NLRP13: variants seen among roughly 807,000 people sequenced by gnomAD.
NLRP13 encodes the protein NLR family pyrin domain containing 13, also known as NACHT, LRR and PYD domains-containing protein 13.
Under a neutral mutation model 94.4 loss-of-function variants are expected in NLRP13, and 82 were observed. The observed-to-expected ratio is 0.87, with a 90% CI of 0.73 to 1.04. The LOEUF (loss-of-function observed/expected upper bound fraction) is 1.04. Among genes scored for constraint, NLRP13 ranks in the 50% least tolerant of loss-of-function variants. The probability of loss-of-function intolerance (pLI) is 0.00; values close to 1 mark genes in which losing one functional copy is unlikely to be tolerated. For synonymous variants in NLRP13, 553 were observed against 464.7 expected (o/e 1.19, Z -2.45); for missense variants, 1,426 against 1,230.8 (o/e 1.16, Z -2.37).
chr19:55,930,422 A>G (rs1987082605), intron 1 of NLRP13, among the ~76,000 whole-genome samples: 1 of 152,132 alleles, frequency 6.6e-6, no homozygotes, highest in Non-Finnish European at 1.5e-5. Flanking sequence ...ATGGTGGCTC[A>G]CGCCTGTAAT....
chr19:55,925,396 CT>C (rs946103097), intron 1 of NLRP13, among the ~76,000 whole-genome samples: 16 of 152,300 alleles, frequency 1.1e-4, no homozygotes, highest in African/African-American at 3.6e-4. Flanking sequence ...ATACCTTAGC[CT>C]CTCCCCATCT....
chr19:55,913,372 C>T, intron 4 of NLRP13, 79 bp from the exon 5 acceptor site: 2 of 1,440,922 alleles, frequency 1.4e-6, no homozygotes, highest in African/African-American at 1.4e-5. Context: ...AAGTTCCTAC[C>T]CCAAAGACTT....
chr19:55,912,182 G>A lies in NLRP13; in HGVS notation c.1635C>T (p.Ala545=), dbSNP rs373303959. 15 of 1,614,010 alleles carry A rather than the reference G, an allele frequency of 9.3e-6. No individual in the cohort carries two copies. Among genetic ancestry groups the A allele is most frequent in the East Asian group, 2.2e-5 (1 of 44,898 alleles). ...THLSFQEFFA[A]MSFVLEEPRE... Reference sequence around the variant, plus strand: ...TAGGTTCCTCTAGCACAAAGGACATGGCTGCAAAAAACTCCTGGAAACTTA... The same window carrying A: ...TAGGTTCCTCTAGCACAAAGGACATAGCTGCAAAAAACTCCTGGAAACTTA... Residue 545 remains alanine, a synonymous_variant, in exon 5 of 11, where the codon GCC becomes GCT. Coordinates refer to ENST00000342929, the MANE Select transcript of NLRP13 (RefSeq NM_176810.2).
At chr19:55,891,774 T>C (rs1429434043), downstream of NLRP13, 1 of 301,686 alleles carries the variant, frequency 3.3e-6, no homozygotes, top group Non-Finnish European at 6.1e-6. Flanking sequence ...TAGACAAGAC[T>C]GAAGGCACAG....
Position 55,923,896 on chromosome 19 carries a change from A to G in NLRP13, c.523+18T>C, listed in dbSNP as rs201215580. The G allele has an allele frequency of 5.6e-6, 9 of 1,600,638 alleles. No homozygotes were observed. The Admixed American group carries it at 8.3e-5, about 15-fold the overall frequency. On this transcript the variant is annotated intron_variant, in intron 4 of 10. Coordinates refer to ENST00000342929, the MANE Select transcript of NLRP13 (RefSeq NM_176810.2). Reference sequence around the variant, plus strand: ...GTCAAGCAACCTGTCCATTATCAACATAAAGTAGTATACACACCTGCTTCC... The same window carrying G: ...GTCAAGCAACCTGTCCATTATCAACGTAAAGTAGTATACACACCTGCTTCC...
intron 1 of NLRP13, among the ~76,000 whole-genome samples, chr19:55,930,833 T>C (rs73611433): frequency 0.033 from 4,666 of 140,420 alleles, 263 homozygotes; most frequent in African/African-American, 0.14. Context: ...GATTACATGG[T>C]GCACTAAGAC....
chr19:55,905,313 G>A lies in NLRP13; in HGVS notation c.2448-201C>T, dbSNP rs145230551. ...TCCCAGCAGTTTGGGAGGCCAAGGCGGGTGGATCACCTGAGGTCAAGAGTT... is the reference window on the plus strand; with the variant it reads ...TCCCAGCAGTTTGGGAGGCCAAGGCAGGTGGATCACCTGAGGTCAAGAGTT... On this transcript the variant is annotated intron_variant, in intron 7 of 10. Transcript: ENST00000342929. Among the ~76,000 whole-genome samples the A allele has an allele frequency of 9.9e-5, 15 of 151,974 alleles. No individual in the cohort carries two copies. The East Asian group carries it at 2.3e-3, about 23-fold the overall frequency.
At chr19:55,929,032 C>T (rs944243958) in intron 1 of NLRP13, among the ~76,000 whole-genome samples, 5 of 152,180 alleles carry the variant, frequency 3.3e-5, no homozygotes, top group Non-Finnish European at 5.9e-5. Context: ...AAAAAAAGCT[C>T]ATCGTCACTG....
chr19:55,914,542 G>T (rs1466050273), intron 4 of NLRP13, among the ~76,000 whole-genome samples: 1 of 152,174 alleles, frequency 6.6e-6, no homozygotes, highest in East Asian at 1.9e-4. Context: ...ATCAGTATAT[G>T]TAACTATTAC....
chr19:55,902,390 C>T (rs1406659250), intron 8 of NLRP13, among the ~76,000 whole-genome samples, 185 bp from the exon 9 acceptor site: 1 of 152,156 alleles, frequency 6.6e-6, no homozygotes, highest in Non-Finnish European at 1.5e-5. Flanking sequence ...AACCCTCCCT[C>T]GATCCAGATT....
intron 7 of NLRP13, among the ~76,000 whole-genome samples, chr19:55,907,216 C>T (rs1419416369): frequency 1.3e-5 from 2 of 152,048 alleles, no homozygotes; most frequent in Admixed American, 1.3e-4. Flanking sequence ...ACTCCACCAC[C>T]CAAAGTGCCG....
At chr19:55,922,503 T>G (rs1045388760) in intron 4 of NLRP13, among the ~76,000 whole-genome samples, 19 of 152,208 alleles carry the variant, frequency 1.2e-4, no homozygotes, top group Admixed American at 1.1e-3. Flanking sequence ...AATTTTTGTA[T>G]TTTTAGTATA....
chr19:55,910,501 AAG>A, intron 6 of NLRP13, 60 bp downstream of exon 6: 2 of 1,434,750 alleles, frequency 1.4e-6, no homozygotes, highest in Non-Finnish European at 1.9e-6. Context: ...CACTCATCAA[AAG>A]AGAGAAGTTG....
intron 1 of NLRP13, among the ~76,000 whole-genome samples, chr19:55,929,442 G>A (rs964961034): frequency 6.6e-6 from 1 of 152,192 alleles, no homozygotes; most frequent in East Asian, 1.9e-4. Flanking sequence ...ATACTATGCA[G>A]CCGTAAAAAA....
chr19:55,897,389 G>A (rs892052440), intron 10 of NLRP13, among the ~76,000 whole-genome samples: 7 of 152,094 alleles, frequency 4.6e-5, no homozygotes, highest in Non-Finnish European at 8.8e-5. Flanking sequence ...GTGTGGTAGC[G>A]TGCACCTGTT....
chr19:55,898,212 GT>G (rs996847207), intron 10 of NLRP13, among the ~76,000 whole-genome samples: 9 of 28,088 alleles, frequency 3.2e-4, no homozygotes, highest in African/African-American at 3.0e-4. Flanking sequence ...TTTTGTTTTT[GT>G]TTTTTTTTTT....
At chr19:55,893,061 G>A (rs944395977), downstream of NLRP13, among the ~76,000 whole-genome samples, 1 of 152,136 alleles carries the variant, frequency 6.6e-6, no homozygotes, top group Admixed American at 6.6e-5. Context: ...GCATAATAAA[G>A]GTTTAGACAA....
chr19:55,909,429 C>T (rs191472475), intron 6 of NLRP13, among the ~76,000 whole-genome samples: 63 of 152,222 alleles, frequency 4.1e-4, no homozygotes, highest in South Asian at 3.3e-3. Flanking sequence ...TCATGTTTCT[C>T]CCTAATTCAT....
intron 9 of NLRP13, 37 bp downstream of exon 9, chr19:55,901,998 T>G (rs1474203985): frequency 6.2e-7 from 1 of 1,607,938 alleles, no homozygotes; most frequent in Non-Finnish European, 8.5e-7. Flanking sequence ...ATGGCTCTCC[T>G]CCATCTGCCA....
Sources: allele counts gnomAD v4.1 joint callset (sites outside exome capture counted in the v4.1 genomes callset), GRCh38; gene constraint gnomAD v4.1.1; transcripts MANE v1.5; gene names NCBI Gene and HGNC (gene_info 2026-07-23, HGNC 2026-07-21).